SPAG9: variants seen among roughly 807,000 people sequenced by gnomAD.
SPAG9 encodes the protein sperm associated antigen 9, also known as C-Jun-amino-terminal kinase-interacting protein 4.
Under a neutral mutation model 166.5 loss-of-function variants are expected in SPAG9, and 35 were observed. The ratio of observed to expected loss-of-function variants is 0.21; its 90% CI spans 0.16 to 0.28. The LOEUF (loss-of-function observed/expected upper bound fraction) is 0.28, where lower values mean the gene tolerates loss of function less well. Ranked by LOEUF, SPAG9 falls within the 10% of genes least tolerant of loss-of-function variation. The pLI is 1.00. For synonymous variants in SPAG9, 534 were observed against 565.5 expected (o/e 0.94, Z 0.79); for missense variants, 1,235 against 1,603.3 (o/e 0.77, Z 3.92).
rs1378407084 is a variant in SPAG9 at position 50,964,727 on chromosome 17, T to G, written c.*1545A>C. 1.1e-5 allele frequency: 5 copies of G among 451,760 alleles called. No individual in the cohort carries two copies. Among genetic ancestry groups the G allele is most frequent in the Non-Finnish European group, 2.2e-5 (5 of 224,868 alleles). 28.0% of individuals were successfully genotyped at this position (451,760 alleles called of 1,614,324 possible). A position where few individuals can be genotyped will look rare whatever the true frequency, so the allele number is the denominator to read the frequency against. On this transcript the variant is annotated 3_prime_UTR_variant, in exon 30 of 30. Coordinates refer to ENST00000262013, the MANE Select transcript of SPAG9 (RefSeq NM_001130528.3). The stretch of plus-strand genomic sequence containing the variant: ...AAAACTTATTAAGCAAGAAAATCAG[T>G]GAAATCCAGACTTTAATCTATTTTT...
chr17:50,974,802 C>A lies in SPAG9; in HGVS notation c.3669G>T (p.Arg1223=), dbSNP rs760422628. 1.2e-6 allele frequency: 2 copies of A among 1,604,174 alleles called. No individual in the cohort carries two copies. The highest frequency in any genetic ancestry group is 2.3e-5 in the South Asian group (2 of 88,676). The change falls in exon 28 of 30, where the codon CGG becomes CGT. Residue 1223 remains arginine, a synonymous_variant. Coordinates refer to ENST00000262013, the MANE Select transcript of SPAG9 (RefSeq NM_001130528.3). ...AHAQLCFHGH[R]DAVKFFVAVP... is the part of the protein sequence containing the mutation. ...CTGCCACAAAGAATTTCACAGCATC[C>A]CGGTGCCCATGGAAGCAAAGCTGTG...
rs188918477 is a variant in SPAG9, at chr17:50,983,697, T to C, written c.3089-1025A>G. On this transcript the variant is annotated intron_variant, in intron 24 of 29. Coordinates refer to ENST00000262013, the MANE Select transcript of SPAG9 (RefSeq NM_001130528.3). ...TCAATTTACCAAAACATGCATTGTT[T>C]CATTTTTTTTCTAGGCTTTTCCACT... Among the ~76,000 whole-genome samples the C allele has an allele frequency of 2.0e-3, 305 of 152,334 alleles. 1 individual carries two copies. The highest frequency in any genetic ancestry group is 3.2e-3 in the Non-Finnish European group (215 of 68,034).
chr17:51,024,364 AATT>A (rs1450981329), intron 6 of SPAG9, among the ~76,000 whole-genome samples: 1 of 152,206 alleles, frequency 6.6e-6, no homozygotes, highest in African/African-American at 2.4e-5. Flanking sequence ...TGTACATATT[AATT>A]ATAATATATT....
Position 51,011,460 on chromosome 17 carries a change from G to A in SPAG9, c.1213+2772C>T, listed in dbSNP as rs138563650. On this transcript the variant is annotated intron_variant, in intron 9 of 29. Transcript: ENST00000262013. ...TGCAGTGGTGCAATCTTGGCTCTCC[G>A]CAACCTCCACCTCCCAGGTTCAAGC... Among the ~76,000 whole-genome samples the A allele has an allele frequency of 5.1e-4, 77 of 150,080 alleles. No individual in the cohort carries two copies. In the East Asian group the frequency reaches 0.012, roughly 23 times the overall value.
intron 1 of SPAG9, among the ~76,000 whole-genome samples, chr17:51,091,554 G>A (rs894969952): frequency 1.3e-5 from 2 of 151,900 alleles, no homozygotes; most frequent in African/African-American, 4.8e-5. Flanking sequence ...ATTCCAGAGA[G>A]TCCCCTCAGC....
At chr17:51,050,763 T>C (rs142424194) in intron 3 of SPAG9, among the ~76,000 whole-genome samples, 1 of 151,654 alleles carries the variant, frequency 6.6e-6, no homozygotes, top group Non-Finnish European at 1.5e-5. Context: ...CCAGTGTTGT[T>C]AGACAGAAAA....
chr17:50,991,314 C>T (rs142404975), intron 19 of SPAG9, among the ~76,000 whole-genome samples: 23 of 152,208 alleles, frequency 1.5e-4, no homozygotes, highest in African/African-American at 5.5e-4. Flanking sequence ...ACTGCTACTA[C>T]TTGAAGTATA....
chr17:51,023,641 C>T (rs975389294), intron 6 of SPAG9, among the ~76,000 whole-genome samples: 2 of 152,048 alleles, frequency 1.3e-5, no homozygotes, highest in Admixed American at 1.3e-4. Flanking sequence ...TTAAGTAAAT[C>T]GTATTTTTCC....
At chr17:50,991,922 T>TG (rs1975585681) in intron 19 of SPAG9, among the ~76,000 whole-genome samples, 2 of 116,700 alleles carry the variant, frequency 1.7e-5, no homozygotes, top group Non-Finnish European at 3.6e-5. Flanking sequence ...CCATGCCAGG[T>TG]CTTTTTTTTT....
intron 2 of SPAG9, among the ~76,000 whole-genome samples, chr17:51,067,257 C>T (rs189140727): frequency 7.2e-5 from 11 of 152,266 alleles, no homozygotes; most frequent in African/African-American, 2.6e-4. Flanking sequence ...TCAGCTTACT[C>T]AAGGCCTAAG....
intron 21 of SPAG9, 64 bp from the exon 22 acceptor site, chr17:50,987,301 G>A: frequency 7.2e-7 from 1 of 1,385,172 alleles, no homozygotes; most frequent in Non-Finnish European, 9.9e-7. Context: ...AGTTTTCAGG[G>A]ACTGAATCCT....
At chr17:51,026,751 A>G (rs2144249148) in intron 6 of SPAG9, among the ~76,000 whole-genome samples, 1 of 145,616 alleles carries the variant, frequency 6.9e-6, no homozygotes, top group Non-Finnish European at 1.5e-5. Context: ...ATCTTGGCTC[A>G]CCGCAACCTC....
At chr17:51,012,505 G>A (rs1031719346) in intron 9 of SPAG9, among the ~76,000 whole-genome samples, 2 of 151,700 alleles carry the variant, frequency 1.3e-5, no homozygotes, top group Admixed American at 6.6e-5. Flanking sequence ...GGGAGGCAGA[G>A]GTTGTGGTGA....
Position 51,120,551 on chromosome 17 carries a change from C to G in SPAG9, c.106G>C (p.Glu36Gln). The G allele has an allele frequency of 6.2e-7, 1 of 1,613,840 alleles. No homozygotes were observed. The highest frequency in any genetic ancestry group is 8.5e-7 in the Non-Finnish European group (1 of 1,179,868). ...GLAGSIYREF[E>Q]RLIGRYDEEV... ...TCGTCATAGCGCCCGATAAGCCGCT[C>G]GAACTCGCGGTAGATGGAGCCGGCC... Residue 36 changes from glutamate to glutamine, a missense_variant, in exon 1 of 30, where the codon GAG (glutamate) becomes CAG (glutamine). Glu to Gln is a conservative substitution (Grantham distance 29). Around this residue, in one of 6 missense-constraint regions of SPAG9, gnomAD observed 83 missense variants for 149.8 expected, o/e 0.55. Transcript: ENST00000262013. The surrounding 1 kb of genome is among the most constrained non-coding windows in gnomAD (Gnocchi z 4.7).
intron 1 of SPAG9, among the ~76,000 whole-genome samples, chr17:51,104,585 G>A (rs536777752): frequency 1.3e-5 from 2 of 151,978 alleles, no homozygotes; most frequent in South Asian, 2.1e-4. Flanking sequence ...ATGGCGAGGC[G>A]AGTTCACACC....
rs549400277 is a variant in SPAG9, at chr17:51,063,898, A to ATAAG, written c.425-7420_425-7417dup. Among the ~76,000 whole-genome samples, 1,157 of 152,256 alleles carry ATAAG rather than the reference A, an allele frequency of 7.6e-3. 5 individuals are homozygous for ATAAG. Among genetic ancestry groups the ATAAG allele is most frequent in the South Asian group, 0.025 (119 of 4,828 alleles). Reference sequence around the variant, plus strand: ...CTCCATCTCAAAAATAAATAAATAAATAAGTAAGTAAGTAAGTAAGTAAAA... The same window carrying ATAAG: ...CTCCATCTCAAAAATAAATAAATAAATAAGTAAGTAAGTAAGTAAGTAAGTAAAA... On this transcript the variant is annotated intron_variant, in intron 2 of 29. Coordinates refer to ENST00000262013, the MANE Select transcript of SPAG9 (RefSeq NM_001130528.3).
chr17:51,006,959 A>C (rs1420882850), intron 10 of SPAG9, among the ~76,000 whole-genome samples: 1 of 152,190 alleles, frequency 6.6e-6, no homozygotes, highest in East Asian at 1.9e-4. Flanking sequence ...TAAGGGAGGG[A>C]GCAAAAAAAG....
intron 12 of SPAG9, among the ~76,000 whole-genome samples, chr17:51,004,696 C>T (rs561897180): frequency 6.6e-6 from 1 of 152,174 alleles, no homozygotes; most frequent in East Asian, 1.9e-4. Flanking sequence ...CAGAACTGCA[C>T]TCCAGCCTCG....
chr17:51,119,629 A>G (rs2049411395), intron 1 of SPAG9, among the ~76,000 whole-genome samples: 1 of 152,168 alleles, frequency 6.6e-6, no homozygotes, highest in Non-Finnish European at 1.5e-5. Flanking sequence ...ACTGTCACCT[A>G]CATCTTCCCA....
Sources: gnomAD v4.1 joint callset for allele counts (sites outside exome capture counted in the v4.1 genomes callset) on GRCh38, gnomAD v4.1.1 for gene constraint, gnomAD v4.1.1 regional missense constraint, Gnocchi (gnomAD v3.1) non-coding constraint, MANE v1.5 for transcripts, NCBI Gene and HGNC (gene_info 2026-07-23, HGNC 2026-07-21) for gene names.